The following KIAA1217 variants were observed in gnomAD, a reference collection of about 807,000 sequenced individuals.
KIAA1217 encodes KIAA1217.
KIAA1217 carries 88 observed loss-of-function variants against 163.9 expected under a neutral mutation model. That is an observed-to-expected ratio of 0.54 (90% CI 0.45 to 0.64). The LOEUF is 0.64. Ranked by LOEUF, KIAA1217 falls within the 30% of genes least tolerant of loss-of-function variation. The pLI, the probability that KIAA1217 is intolerant of heterozygous loss-of-function variation, is 0.00. For synonymous variants in KIAA1217, 903 were observed against 923.1 expected (o/e 0.98, Z 0.39); for missense variants, 2,372 against 2,475.0 (o/e 0.96, Z 0.88).
At chr10:24,468,598 C>G (rs1282314333) in intron 5 of KIAA1217, among the ~76,000 whole-genome samples, 1 of 152,100 alleles carries the variant, frequency 6.6e-6, no homozygotes, top group Admixed American at 6.6e-5. Flanking sequence ...TTCGGTGACC[C>G]TTTTGGATGA....
At chr10:24,130,181 A>G (rs902818999) in intron 2 of KIAA1217, among the ~76,000 whole-genome samples, 2 of 152,016 alleles carry the variant, frequency 1.3e-5, no homozygotes, top group African/African-American at 4.8e-5. Flanking sequence ...ATTATTATTA[A>G]TTTAGAGACA....
At chr10:23,868,465 A>G (rs1840300407) in intron 1 of KIAA1217, among the ~76,000 whole-genome samples, 2 of 152,144 alleles carry the variant, frequency 1.3e-5, no homozygotes, top group East Asian at 3.9e-4. Context: ...CCTTGCCTGT[A>G]TAGCTCTTTG....
intron 2 of KIAA1217, among the ~76,000 whole-genome samples, chr10:24,354,738 CTCTGCTCCTCTGCTCT>C (rs147458402): frequency 0.012 from 1,757 of 149,510 alleles, 46 homozygotes; most frequent in African/African-American, 0.041. Flanking sequence ...CTCTTCTCTC[CTCTGCTCCTCTGCTCT>C]TCTGCTCCTC....
At chr10:23,758,115 A>G (rs897133005) in intron 1 of KIAA1217, among the ~76,000 whole-genome samples, 3 of 152,150 alleles carry the variant, frequency 2.0e-5, no homozygotes, top group East Asian at 1.9e-4. Context: ...GTTATCATAT[A>G]TAAGAAATTA....
intron 2 of KIAA1217, among the ~76,000 whole-genome samples, chr10:24,322,130 A>T (rs2044248243): frequency 6.6e-6 from 1 of 151,806 alleles, no homozygotes; most frequent in Non-Finnish European, 1.5e-5. Flanking sequence ...TATTATTATC[A>T]TTTGGCAGAG....
At position 24,159,769 on chromosome 10, in the gene KIAA1217, C is replaced by T. The variant is rs994849251; in HGVS notation, c.-170-59857C>T. 3.9e-5 allele frequency among the ~76,000 whole-genome samples: 6 copies of T among 151,926 alleles called. No individual in the cohort carries two copies. The East Asian group carries it at 7.7e-4, about 20-fold the overall frequency. ...CTGCGCTCCAGCCTGGGCGACAGAGCTAGACTCCGTCTCAAAAAAAAAAAT... is the reference window on the plus strand; with the variant it reads ...CTGCGCTCCAGCCTGGGCGACAGAGTTAGACTCCGTCTCAAAAAAAAAAAT... On this transcript the variant is annotated intron_variant, in intron 2 of 18. Transcript: ENST00000376462.
At chr10:24,157,774 T>A (rs2064944077) in intron 2 of KIAA1217, 2 of 360,968 alleles carry the variant, frequency 5.5e-6, no homozygotes, top group Non-Finnish European at 5.0e-6. Flanking sequence ...GGTGATGAAG[T>A]AGAGCAACTG....
intron 2 of KIAA1217, among the ~76,000 whole-genome samples, chr10:24,373,789 G>A (rs777147242): frequency 1.3e-5 from 2 of 152,300 alleles, no homozygotes; most frequent in African/African-American, 2.4e-5. Context: ...GTCCTGCCTG[G>A]CTCACTTCGC....
At chr10:24,480,919 C>T (rs1231244340) in intron 6 of KIAA1217, among the ~76,000 whole-genome samples, 1 of 152,122 alleles carries the variant, frequency 6.6e-6, no homozygotes, top group Non-Finnish European at 1.5e-5. Context: ...TGCACATCTG[C>T]TTGGGTCCAG....
Position 24,209,146 on chromosome 10 carries a change from G to T in KIAA1217, c.-48G>T. ...GCTTTCTGGGAGCTTTTAGAACTGCGCTCTGAAGTTTCCAGAGAGCGAGGA... is the reference window on the plus strand; with the variant it reads ...GCTTTCTGGGAGCTTTTAGAACTGCTCTCTGAAGTTTCCAGAGAGCGAGGA... On this transcript the variant is annotated 5_prime_UTR_variant, in exon 1 of 21. Transcript: ENST00000376454. 6.3e-7 allele frequency: 1 copy of T among 1,576,782 alleles called. No individual in the cohort carries two copies. The highest frequency in any genetic ancestry group is 8.7e-7 in the Non-Finnish European group (1 of 1,146,912).
At chr10:23,730,082 T>C (rs1345772572) in intron 1 of KIAA1217, among the ~76,000 whole-genome samples, 1 of 152,100 alleles carries the variant, frequency 6.6e-6, no homozygotes, top group Non-Finnish European at 1.5e-5. Context: ...TTTGTATTTT[T>C]AGTAGAGACG....
At chr10:23,742,116 G>C (rs1236382413) in intron 1 of KIAA1217, among the ~76,000 whole-genome samples, 1 of 152,178 alleles carries the variant, frequency 6.6e-6, no homozygotes, top group Non-Finnish European at 1.5e-5. Flanking sequence ...GGAAGTCATC[G>C]TAGAGCTGGA....
chr10:24,493,525 A>G (rs1198719761), intron 6 of KIAA1217, among the ~76,000 whole-genome samples: 1 of 152,214 alleles, frequency 6.6e-6, no homozygotes, highest in Non-Finnish European at 1.5e-5. Context: ...CGAAACGTCC[A>G]TTGTCTGAGG....
chr10:23,739,563 C>T (rs1838994267), intron 1 of KIAA1217, among the ~76,000 whole-genome samples: 2 of 152,060 alleles, frequency 1.3e-5, no homozygotes, highest in African/African-American at 4.8e-5. Flanking sequence ...CAGAGAGGGA[C>T]AAGGGATGAG....
chr10:23,974,152 G>A (rs1342294453), intron 1 of KIAA1217, among the ~76,000 whole-genome samples: 1 of 152,178 alleles, frequency 6.6e-6, no homozygotes, highest in East Asian at 1.9e-4. Flanking sequence ...CATGATGGAG[G>A]TTTTACTATT....
chr10:23,712,571 T>C (rs571761633), intron 1 of KIAA1217, among the ~76,000 whole-genome samples: 1 of 152,266 alleles, frequency 6.6e-6, no homozygotes, highest in South Asian at 2.1e-4. Context: ...GTATCTATTT[T>C]GAACCTGCTT....
chr10:23,821,684 A>G (rs1204641232), intron 1 of KIAA1217, among the ~76,000 whole-genome samples: 1 of 152,198 alleles, frequency 6.6e-6, no homozygotes, highest in Non-Finnish European at 1.5e-5. Flanking sequence ...ATACAAAAAC[A>G]TTGCATTGCT....
At chr10:24,031,387 A>G (rs1181179239) in intron 2 of KIAA1217, among the ~76,000 whole-genome samples, 1 of 151,830 alleles carries the variant, frequency 6.6e-6, no homozygotes, top group South Asian at 2.1e-4. Flanking sequence ...TGCAGCCTTG[A>G]CCTCCCAGGC....
intron 6 of KIAA1217, among the ~76,000 whole-genome samples, chr10:24,479,046 C>A (rs2064348761): frequency 6.6e-6 from 1 of 152,148 alleles, no homozygotes; most frequent in African/African-American, 2.4e-5. Context: ...TAGAGTTACA[C>A]TAGGAAGAAA....
Sources: gnomAD v4.1 joint callset for allele counts (sites outside exome capture counted in the v4.1 genomes callset) on GRCh38, gnomAD v4.1.1 for gene constraint, MANE v1.5 for transcripts, NCBI Gene and HGNC (gene_info 2026-07-23, HGNC 2026-07-21) for gene names.